Variants in CADM2 observed in about 807,000 individuals in gnomAD.
CADM2 encodes immunoglobulin superfamily member 4D.
CADM2 carries 12 observed loss-of-function variants against 49.8 expected under a neutral mutation model. That is an observed-to-expected ratio of 0.24 (90% CI 0.15 to 0.39). CADM2 has a LOEUF of 0.39. Ranked by LOEUF, CADM2 falls within the 10% of genes least tolerant of loss-of-function variation. CADM2 has a pLI of 1.00. For synonymous variants in CADM2, 214 were observed against 175.4 expected (o/e 1.22, Z -1.74); for missense variants, 378 against 492.3 (o/e 0.77, Z 2.20).
intron 1 of CADM2, among the ~76,000 whole-genome samples, chr3:85,441,212 T>C (rs1250592438): frequency 6.6e-6 from 1 of 151,984 alleles, no homozygotes; most frequent in Non-Finnish European, 1.5e-5. Flanking sequence ...ATACTCAGTT[T>C]TTAATATTAT....
Position 85,914,409 on chromosome 3 carries a change from C to T in CADM2, c.700+1866C>T, listed in dbSNP as rs189429054. 2.6e-3 allele frequency among the ~76,000 whole-genome samples: 399 copies of T among 152,128 alleles called. 1 individual carries two copies. The highest frequency in any genetic ancestry group is 9.3e-3 in the African/African-American group (385 of 41,516). On this transcript the variant is annotated intron_variant, in intron 6 of 9. Coordinates refer to ENST00000383699, the MANE Select transcript of CADM2 (RefSeq NM_001167675.2). Reference sequence around the variant, plus strand: ...AATAGACTGAATAAATGTCAATTGTCTTCCTTTTTCTGTTTCTTTTTCTTA... The same window carrying T: ...AATAGACTGAATAAATGTCAATTGTTTTCCTTTTTCTGTTTCTTTTTCTTA...
At chr3:85,317,771 G>A (rs116669162) in intron 1 of CADM2, among the ~76,000 whole-genome samples, 14,657 of 152,088 alleles carry the variant, frequency 0.096, 1,456 homozygotes, top group African/African-American at 0.26. Context: ...TTAGATTCCC[G>A]ACTCAAGAAT....
chr3:85,280,789 AAC>A (rs138343278), intron 1 of CADM2, among the ~76,000 whole-genome samples: 15,822 of 151,836 alleles, frequency 0.1, 957 homozygotes, highest in African/African-American at 0.17. Context: ...TGAAAACAAA[AAC>A]AGTAATTTTT....
chr3:85,478,666 TTGAAA>T (rs1173757498), intron 1 of CADM2, among the ~76,000 whole-genome samples: 1 of 151,984 alleles, frequency 6.6e-6, no homozygotes, highest in African/African-American at 2.4e-5. Flanking sequence ...TAATGTTTTA[TTGAAA>T]TGAAATGCTT....
chr3:85,002,227 T>C (rs2033499349), intron 1 of CADM2, among the ~76,000 whole-genome samples: 1 of 152,174 alleles, frequency 6.6e-6, no homozygotes, highest in Non-Finnish European at 1.5e-5. Flanking sequence ...TTCCTCTGTT[T>C]ATGCTATATG....
At chr3:85,111,149 T>C (rs1246454427) in intron 1 of CADM2, among the ~76,000 whole-genome samples, 1 of 151,922 alleles carries the variant, frequency 6.6e-6, no homozygotes, top group African/African-American at 2.4e-5. Context: ...TCCTTCTTGT[T>C]AATATTTCAA....
intron 1 of CADM2, among the ~76,000 whole-genome samples, chr3:85,464,472 G>C (rs946445356): frequency 6.6e-6 from 1 of 152,016 alleles, no homozygotes; most frequent in African/African-American, 2.4e-5. Flanking sequence ...GACATGATTT[G>C]TAATATAGAA....
intron 1 of CADM2, among the ~76,000 whole-genome samples, chr3:85,569,003 C>T (rs1355003596): frequency 6.6e-6 from 1 of 152,148 alleles, no homozygotes; most frequent in Non-Finnish European, 1.5e-5. Context: ...CCAGTTGCCA[C>T]CCCATGGTAA....
chr3:86,047,170 T>C (rs1359471702), intron 8 of CADM2, among the ~76,000 whole-genome samples: 1 of 152,168 alleles, frequency 6.6e-6, no homozygotes, highest in East Asian at 1.9e-4. Flanking sequence ...CTTAATGTCT[T>C]TCTTAACAAG....
chr3:85,483,780 T>A (rs573895849), intron 1 of CADM2, among the ~76,000 whole-genome samples: 1 of 151,416 alleles, frequency 6.6e-6, no homozygotes, highest in Non-Finnish European at 1.5e-5. Flanking sequence ...TTTTTGAAAC[T>A]ACTGTTATTC....
chr3:85,385,880 A>G (rs1329255194), intron 1 of CADM2: 1 of 143,856 alleles, frequency 7.0e-6, no homozygotes, highest in Non-Finnish European at 1.5e-5. Flanking sequence ...ATTGGATGTT[A>G]TTCTGAAAAA....
At chr3:85,883,585 C>T in intron 4 of CADM2, 142 bp downstream of exon 4, 1 of 705,836 alleles carries the variant, frequency 1.4e-6, no homozygotes. Flanking sequence ...CATTTTAACA[C>T]AGGCGTTTTA....
At chr3:85,634,800 G>T (rs2064411605) in intron 1 of CADM2, among the ~76,000 whole-genome samples, 1 of 152,098 alleles carries the variant, frequency 6.6e-6, no homozygotes, top group South Asian at 2.1e-4. Context: ...TAAGACAAAG[G>T]TAGATTTCTT....
intron 1 of CADM2, among the ~76,000 whole-genome samples, chr3:85,066,358 G>A (rs2036529437): frequency 6.7e-6 from 1 of 149,522 alleles, no homozygotes; most frequent in East Asian, 2.0e-4. Flanking sequence ...CCCAACTAGG[G>A]GTAAAATGCT....
chr3:85,151,081 C>A (rs1225614343), intron 1 of CADM2, among the ~76,000 whole-genome samples: 1 of 151,940 alleles, frequency 6.6e-6, no homozygotes, highest in East Asian at 1.9e-4. Context: ...TAGATGGGGA[C>A]ACAGGGATGT....
intron 1 of CADM2, among the ~76,000 whole-genome samples, chr3:85,215,680 A>G (rs1466250562): frequency 1.3e-5 from 2 of 152,048 alleles, no homozygotes; most frequent in East Asian, 1.9e-4. Context: ...TGGGCTTTCA[A>G]GTTTATGTAG....
chr3:85,539,375 T>A (rs1490759715), intron 1 of CADM2, among the ~76,000 whole-genome samples: 1 of 152,130 alleles, frequency 6.6e-6, no homozygotes, highest in African/African-American at 2.4e-5. Flanking sequence ...CATGAACTAC[T>A]TCCAGAACAT....
chr3:85,941,466 G>A (rs1301242702), intron 7 of CADM2, among the ~76,000 whole-genome samples: 1 of 151,972 alleles, frequency 6.6e-6, no homozygotes, highest in Non-Finnish European at 1.5e-5. Flanking sequence ...CAGCAACTTC[G>A]ATATTTTATT....
At chr3:85,626,059 A>G (rs1394588300) in intron 1 of CADM2, among the ~76,000 whole-genome samples, 1 of 152,030 alleles carries the variant, frequency 6.6e-6, no homozygotes, top group Non-Finnish European at 1.5e-5. Context: ...GTAAGAATTA[A>G]TATTTTTCAG....
Sources: gnomAD v4.1 joint callset for allele counts (sites outside exome capture counted in the v4.1 genomes callset) on GRCh38, gnomAD v4.1.1 for gene constraint, MANE v1.5 for transcripts, NCBI Gene and HGNC (gene_info 2026-07-23, HGNC 2026-07-21) for gene names.